The following BCR variants were observed in gnomAD, a reference collection of about 807,000 sequenced individuals.
BCR encodes the protein BCR activator of RhoGEF and GTPase, also known as breakpoint cluster region protein.
Under a neutral mutation model 138.6 loss-of-function variants are expected in BCR, and 58 were observed. The observed-to-expected ratio is 0.42, with a 90% CI of 0.34 to 0.52. The LOEUF (loss-of-function observed/expected upper bound fraction) is 0.52, where lower values mean the gene tolerates loss of function less well. Ranked by LOEUF, BCR falls within the 20% of genes least tolerant of loss-of-function variation. The pLI, the probability that BCR is intolerant of heterozygous loss-of-function variation, is 0.06. For synonymous variants in BCR, 786 were observed against 730.1 expected, an observed-to-expected ratio of 1.08 and a Z score of -1.23; for missense variants, 1,599 against 1,727.2, an observed-to-expected ratio of 0.93 and a Z score of 1.32.
chr22:23,236,847 AAGCGTGAACAAATTCTGTGTCTTG>A (rs56330646), intron 1 of BCR, among the ~76,000 whole-genome samples: 20,640 of 152,214 alleles, frequency 0.14, 1,491 homozygotes, highest in Admixed American at 0.16. Flanking sequence ...CCTGTCTGGG[AAGCGTGAACAAATTCTGTGTCTTG>A]AATAGTACCC....
intron 3 of BCR, 150 bp downstream of exon 3, chr22:23,261,204 C>CA: frequency 8.0e-7 from 1 of 1,253,508 alleles, no homozygotes; most frequent in East Asian, 2.4e-5. Flanking sequence ...ACTGAGTTGC[C>CA]AAACCAAGCT....
intron 4 of BCR, chr22:23,264,197 C>A: frequency 4.1e-6 from 5 of 1,227,960 alleles, no homozygotes; most frequent in Non-Finnish European, 4.8e-6. Flanking sequence ...CCTTCTATAG[C>A]GTTGTACGGC....
rs1272539170 is a variant in BCR, at chr22:23,180,527, G to C, written c.-434G>C. 5.5e-6 allele frequency: 1 copy of C among 182,838 alleles called. No homozygotes were observed. Among genetic ancestry groups the C allele is most frequent in the Non-Finnish European group, 1.1e-5 (1 of 91,138 alleles). The allele number at this position is 182,838 out of a possible 1,614,324, so 11.3% of individuals were successfully genotyped here. A position where few individuals can be genotyped will look rare whatever the true frequency, so the allele number is the denominator to read the frequency against. On this transcript the variant is annotated 5_prime_UTR_variant, in exon 1 of 23. Transcript: ENST00000305877. ...CTGCGGCGCAGAGTGCGGGCCGGGCGGGAGTGCGGCGAGAGCCGGCTGGCT... is the reference window on the plus strand; with the variant it reads ...CTGCGGCGCAGAGTGCGGGCCGGGCCGGAGTGCGGCGAGAGCCGGCTGGCT...
chr22:23,303,126 T>G (rs2073920979), intron 16 of BCR, among the ~76,000 whole-genome samples: 1 of 152,128 alleles, frequency 6.6e-6, no homozygotes, highest in South Asian at 2.1e-4. Context: ...AATATGTATT[T>G]TACTATATAT....
chr22:23,258,313 G>A (rs2073318969), intron 2 of BCR, among the ~76,000 whole-genome samples: 1 of 152,180 alleles, frequency 6.6e-6, no homozygotes, highest in African/African-American at 2.4e-5. Flanking sequence ...TGTGGTCCAA[G>A]CCCCAGGGAC....
At chr22:23,254,209 G>A (rs1358046986) in intron 2 of BCR, among the ~76,000 whole-genome samples, 1 of 152,116 alleles carries the variant, frequency 6.6e-6, no homozygotes, top group African/African-American at 2.4e-5. Context: ...GGAGGAGGCA[G>A]GCAGCATGTG....
chr22:23,251,877 T>C (rs2073231903), intron 1 of BCR, among the ~76,000 whole-genome samples: 1 of 152,128 alleles, frequency 6.6e-6, no homozygotes, highest in South Asian at 2.1e-4. Flanking sequence ...CAGAAGATCC[T>C]TGTGGGTTGA....
At chr22:23,276,407 GAAA>G (rs144153786) in intron 8 of BCR, among the ~76,000 whole-genome samples, 1,939 of 125,320 alleles carry the variant, frequency 0.015, 71 homozygotes, top group Admixed American at 0.11. Flanking sequence ...TCAAAAAAAA[GAAA>G]AAAAAAAAAA....
chr22:23,220,983 C>T (rs16998658), intron 1 of BCR, among the ~76,000 whole-genome samples: 5,103 of 152,206 alleles, frequency 0.034, 278 homozygotes, highest in African/African-American at 0.11. Flanking sequence ...TGTTAGAACC[C>T]GCCTCTTTGA....
At chr22:23,201,480 C>T (rs770125608) in intron 1 of BCR, among the ~76,000 whole-genome samples, 11 of 139,616 alleles carry the variant, frequency 7.9e-5, no homozygotes, top group Admixed American at 5.1e-4. Context: ...GTTTTTGAGA[C>T]GGAGTCTTGC....
intron 16 of BCR, among the ~76,000 whole-genome samples, chr22:23,302,065 A>G (rs2073907675): frequency 6.6e-6 from 1 of 151,808 alleles, no homozygotes; most frequent in Non-Finnish European, 1.5e-5. Context: ...ACCCATCCCA[A>G]TTTCTAGAGC....
At chr22:23,284,987 A>G (rs1194391246) in intron 9 of BCR, 46 bp from the exon 10 acceptor site, 2 of 1,587,824 alleles carry the variant, frequency 1.3e-6, no homozygotes, top group Non-Finnish European at 1.7e-6. Flanking sequence ...CATCAGCCAT[A>G]GAAGGCAGTC....
intron 16 of BCR, chr22:23,306,194 CTG>C (rs67236567): frequency 1.1e-4 from 16 of 152,364 alleles, no homozygotes; most frequent in African/African-American, 3.6e-4. Context: ...TCTTCAGTCA[CTG>C]GGAGTCACAG....
At position 23,261,480 on chromosome 22, in the gene BCR, C is replaced by T. The variant is rs1291879913; in HGVS notation, c.1692C>T (p.Leu564=). The change falls in exon 4 of 23, where the codon CTC becomes CTT. Residue 564 remains leucine (L), a synonymous_variant. Coordinates refer to ENST00000305877, the MANE Select transcript of BCR (RefSeq NM_004327.4). ...YEIHKEFYDG[L]FPRVQQWSHQ... ...TCCACAAGGAGTTCTATGATGGGCTCTTCCCCCGCGTGCAGCAGTGGAGCC... is the reference window on the plus strand; with the variant it reads ...TCCACAAGGAGTTCTATGATGGGCTTTTCCCCCGCGTGCAGCAGTGGAGCC... 5 of 1,613,692 alleles carry T rather than the reference C, an allele frequency of 3.1e-6. No individual in the cohort carries two copies. Among genetic ancestry groups the T allele is most frequent in the East Asian group, 2.2e-5 (1 of 44,876 alleles).
chr22:23,250,663 C>A (rs115724938), intron 1 of BCR, among the ~76,000 whole-genome samples: 1 of 152,110 alleles, frequency 6.6e-6, no homozygotes, highest in Non-Finnish European at 1.5e-5. Flanking sequence ...GGGGATGGCA[C>A]GGCCTTCATC....
chr22:23,272,555 G>A (rs779235695), intron 6 of BCR, among the ~76,000 whole-genome samples: 111 of 152,256 alleles, frequency 7.3e-4, no homozygotes, highest in Non-Finnish European at 1.3e-3. Flanking sequence ...TGGGGCTCAT[G>A]TGCCTCTGGA....
rs938404671 is a variant in BCR, at chr22:23,180,862, G to A, written c.-99G>A. On this transcript the variant is annotated 5_prime_UTR_variant, in exon 1 of 23. Coordinates refer to ENST00000305877, the MANE Select transcript of BCR (RefSeq NM_004327.4). The stretch of plus-strand genomic sequence containing the variant: ...GCCGCCGCCGCCGCGCGGGCCATGG[G>A]GGCCGCCCGGCGCCCGGGGCCGGGC... 8.0e-6 allele frequency: 6 copies of A among 749,256 alleles called. No individual in the cohort carries two copies. Among genetic ancestry groups the A allele is most frequent in the Non-Finnish European group, 7.9e-6 (5 of 632,902 alleles). The allele number at this position is 749,256 out of a possible 1,614,324, so 46.4% of individuals were successfully genotyped here.
chr22:23,230,244 A>T (rs1471089201), intron 1 of BCR, among the ~76,000 whole-genome samples: 1 of 152,136 alleles, frequency 6.6e-6, no homozygotes, highest in Non-Finnish European at 1.5e-5. Context: ...GGTTTCATGC[A>T]GAATTTGTAC....
At position 23,310,359 on chromosome 22, in the gene BCR, G is replaced by A. The variant is rs1218070018; in HGVS notation, c.3108G>A (p.Arg1036=). 8.2e-6 allele frequency: 12 copies of A among 1,461,500 alleles called. No individual in the cohort carries two copies. The highest frequency in any genetic ancestry group is 1.1e-5 in the Non-Finnish European group (12 of 1,044,964). 90.5% of individuals were successfully genotyped at this position (1,461,500 alleles called of 1,614,324 possible). Residue 1036 remains arginine, a synonymous_variant, in exon 18 of 23, where the codon AGG becomes AGA. Coordinates refer to ENST00000305877, the MANE Select transcript of BCR (RefSeq NM_004327.4). ...EVKLSVKFNS[R]EFSLKRMPSR... ...AGCTCTCGGTCAAGTTCAACAGCAG[G>A]GAGTTCAGCTTGAAGAGGATGCCGT... is the stretch of plus-strand genomic sequence containing the variant.
Sources: gnomAD v4.1 joint callset for allele counts (sites outside exome capture counted in the v4.1 genomes callset) on GRCh38, gnomAD v4.1.1 for gene constraint, MANE v1.5 for transcripts, NCBI Gene and HGNC (gene_info 2026-07-23, HGNC 2026-07-21) for gene names.